The following CNTNAP5 variants were observed in gnomAD, a reference collection of about 807,000 sequenced individuals.
CNTNAP5 encodes contactin associated protein family member 5.
In CNTNAP5, 72 loss-of-function variants were observed where a neutral mutation model predicts 150.2. That is an observed-to-expected ratio of 0.48 (90% CI 0.40 to 0.58). CNTNAP5 has a LOEUF of 0.58. Ranked by LOEUF, CNTNAP5 falls within the 20% of genes least tolerant of loss-of-function variation. The pLI, the probability that CNTNAP5 is intolerant of heterozygous loss-of-function variation, is 0.00. For synonymous variants in CNTNAP5, 672 were observed against 619.8 expected, an observed-to-expected ratio of 1.08 and a Z score of -1.25; for missense variants, 1,636 against 1,626.2, an observed-to-expected ratio of 1.01 and a Z score of -0.10.
chr2:124,740,229 A>G (rs893869142), intron 13 of CNTNAP5, among the ~76,000 whole-genome samples: 1 of 152,146 alleles, frequency 6.6e-6, no homozygotes, highest in Non-Finnish European at 1.5e-5. Context: ...GGCAGAGGCT[A>G]TGAGAAAACT....
intron 11 of CNTNAP5, among the ~76,000 whole-genome samples, chr2:124,578,658 G>A (rs1696348148): frequency 6.6e-6 from 1 of 152,046 alleles, no homozygotes. Flanking sequence ...TATAGTCCCA[G>A]CTCCTTGTGG....
chr2:124,883,838 G>T (rs1396180248), intron 21 of CNTNAP5, among the ~76,000 whole-genome samples: 2 of 152,044 alleles, frequency 1.3e-5, no homozygotes, highest in African/African-American at 4.8e-5. Context: ...TTGTATATAT[G>T]TATATCTGGA....
At chr2:124,379,645 G>A (rs1193361255) in intron 3 of CNTNAP5, among the ~76,000 whole-genome samples, 1 of 152,118 alleles carries the variant, frequency 6.6e-6, no homozygotes, top group East Asian at 1.9e-4. Context: ...GTGGACATGA[G>A]TTTTCCACTC....
intron 7 of CNTNAP5, among the ~76,000 whole-genome samples, chr2:124,502,781 T>A (rs1189224394): frequency 6.6e-6 from 1 of 151,932 alleles, no homozygotes; most frequent in Non-Finnish European, 1.5e-5. Flanking sequence ...GTTGGTGGAT[T>A]TTTTTTTAAA....
chr2:124,272,205 G>T (rs533976713), intron 3 of CNTNAP5, among the ~76,000 whole-genome samples: 1 of 152,128 alleles, frequency 6.6e-6, no homozygotes, highest in South Asian at 2.1e-4. Flanking sequence ...AAGCAGCAAA[G>T]AAGCTTATTT....
chr2:124,271,658 A>AATCTATCT (rs147548369), intron 3 of CNTNAP5, among the ~76,000 whole-genome samples: 6,256 of 141,282 alleles, frequency 0.044, 186 homozygotes, highest in Non-Finnish European at 0.055. Flanking sequence ...GTTTTTTTTT[A>AATCTATCT]ATCTATCTAT....
At chr2:124,710,913 G>C (rs965537685) in intron 13 of CNTNAP5, among the ~76,000 whole-genome samples, 1 of 152,170 alleles carries the variant, frequency 6.6e-6, no homozygotes, top group Admixed American at 6.5e-5. Context: ...GTGCATTCAT[G>C]TTGTAGTAGA....
chr2:124,337,049 T>G (rs1254684856), intron 3 of CNTNAP5, among the ~76,000 whole-genome samples: 5 of 152,204 alleles, frequency 3.3e-5, no homozygotes, highest in South Asian at 2.1e-4. Context: ...GTTTCCTGAC[T>G]TTTTAATGAT....
chr2:124,354,159 A>C (rs558943684), intron 3 of CNTNAP5, among the ~76,000 whole-genome samples: 1 of 152,352 alleles, frequency 6.6e-6, no homozygotes, highest in East Asian at 1.9e-4. Flanking sequence ...TTCCAAATGA[A>C]TGAAAAGACA....
chr2:124,585,512 A>C (rs1696508072), intron 11 of CNTNAP5, among the ~76,000 whole-genome samples: 1 of 152,154 alleles, frequency 6.6e-6, no homozygotes, highest in South Asian at 2.1e-4. Context: ...CCTAGGAGAC[A>C]GGATCTGTTC....
At chr2:124,194,383 AT>A (rs1685529384) in intron 1 of CNTNAP5, among the ~76,000 whole-genome samples, 6 of 7,090 alleles carry the variant, frequency 8.5e-4, no homozygotes, top group Middle Eastern at 0.25. Flanking sequence ...ATATATATAT[AT>A]ATATATATAT....
rs567692583 is a variant in CNTNAP5 at position 124,044,136 on chromosome 2, C to T, written c.82+18404C>T. On this transcript the variant is annotated intron_variant, in intron 1 of 23. Transcript: ENST00000682447. Reference sequence around the variant, plus strand: ...GAACTGCAATCAATGAGAAGAATTACATTTAATATAGCCTCTGTCTATAGC... The same window carrying T: ...GAACTGCAATCAATGAGAAGAATTATATTTAATATAGCCTCTGTCTATAGC... 5.3e-5 allele frequency among the ~76,000 whole-genome samples: 8 copies of T among 152,306 alleles called. No homozygotes were observed. In the South Asian group the frequency reaches 8.3e-4, roughly 16 times the overall value.
intron 1 of CNTNAP5, among the ~76,000 whole-genome samples, chr2:124,113,674 A>C (rs1371100616): frequency 6.6e-6 from 1 of 151,906 alleles, no homozygotes; most frequent in African/African-American, 2.4e-5. Flanking sequence ...TAATTTTACT[A>C]ATCTAATTCA....
chr2:124,063,745 G>A (rs1434445749), intron 1 of CNTNAP5, among the ~76,000 whole-genome samples: 1 of 152,120 alleles, frequency 6.6e-6, no homozygotes, highest in South Asian at 2.1e-4. Context: ...GCCTGATAAT[G>A]AACGTGGAGA....
At chr2:124,832,590 A>G (rs926107574) in intron 19 of CNTNAP5, among the ~76,000 whole-genome samples, 6 of 152,118 alleles carry the variant, frequency 3.9e-5, no homozygotes, top group Admixed American at 6.6e-5. Context: ...ATTTTCCATG[A>G]AAGTTTTTAT....
chr2:124,622,000 G>T (rs72841396), intron 12 of CNTNAP5, among the ~76,000 whole-genome samples: 3,230 of 152,112 alleles, frequency 0.021, 44 homozygotes, highest in Middle Eastern at 0.037. Context: ...TATGCACGAT[G>T]TGGAGGTTTT....
intron 19 of CNTNAP5, among the ~76,000 whole-genome samples, chr2:124,860,573 G>A (rs189984238): frequency 4.4e-4 from 54 of 123,866 alleles, no homozygotes; most frequent in Admixed American, 2.5e-3. Context: ...CCTTTCTTCC[G>A]TTGTTTCTTT....
At chr2:124,841,722 T>C (rs1336399373) in intron 19 of CNTNAP5, among the ~76,000 whole-genome samples, 2 of 152,108 alleles carry the variant, frequency 1.3e-5, no homozygotes, top group Non-Finnish European at 2.9e-5. Flanking sequence ...TTGTCCCTGG[T>C]ACATGACAGG....
chr2:124,313,413 G>A lies in CNTNAP5; in HGVS notation c.381+71020G>A, dbSNP rs546528414. 2.7e-3 allele frequency among the ~76,000 whole-genome samples: 418 copies of A among 152,280 alleles called. 3 individuals carry two copies. Among genetic ancestry groups the A allele is most frequent in the African/African-American group, 9.8e-3 (407 of 41,558 alleles). On this transcript the variant is annotated intron_variant, in intron 3 of 23. Transcript: ENST00000682447. ...TAGTCCCTAAATTTTAGGATCATTT[G>A]ACACTGAACTGTTACATCAGACCCA... is the stretch of plus-strand genomic sequence containing the variant.
Sources: allele counts gnomAD v4.1 joint callset (sites outside exome capture counted in the v4.1 genomes callset), GRCh38; gene constraint gnomAD v4.1.1; transcripts MANE v1.5; gene names NCBI Gene and HGNC (gene_info 2026-07-23, HGNC 2026-07-21).